SRGAP1: variants seen among roughly 807,000 people sequenced by gnomAD.
SRGAP1 encodes the protein SLIT-ROBO Rho GTPase activating protein 1, also known as SLIT-ROBO Rho GTPase-activating protein 1.
In SRGAP1, 43 loss-of-function variants were observed where a neutral mutation model predicts 121.9. The observed-to-expected ratio is 0.35, with a 90% CI of 0.28 to 0.46. SRGAP1 has a LOEUF of 0.46. SRGAP1 is among the 20% of genes least tolerant of loss of function. SRGAP1 has a pLI of 1.00. For missense variants in SRGAP1, 1,102 were observed against 1,350.9 expected, an observed-to-expected ratio of 0.82 and a Z score of 2.89; for synonymous variants, 447 against 485.4, an observed-to-expected ratio of 0.92 and a Z score of 1.04.
intron 1 of SRGAP1, among the ~76,000 whole-genome samples, chr12:63,886,746 C>T (rs1174842396): frequency 1.3e-5 from 2 of 152,166 alleles, no homozygotes; most frequent in Non-Finnish European, 2.9e-5. Context: ...GCTGGGATTA[C>T]AGGCGTGAGA....
At chr12:63,861,847 C>T (rs1265609619) in intron 1 of SRGAP1, among the ~76,000 whole-genome samples, 2 of 151,984 alleles carry the variant, frequency 1.3e-5, no homozygotes, top group South Asian at 2.1e-4. Flanking sequence ...ATTGGCCTGG[C>T]GCAGTGGCTC....
intron 1 of SRGAP1, among the ~76,000 whole-genome samples, chr12:63,933,644 A>G (rs892595625): frequency 5.3e-5 from 8 of 152,200 alleles, no homozygotes; most frequent in Admixed American, 5.2e-4. Flanking sequence ...TTTTGGGACT[A>G]TTTTAAAGGA....
intron 1 of SRGAP1, among the ~76,000 whole-genome samples, chr12:63,881,793 C>T (rs1300486986): frequency 1.3e-5 from 2 of 151,974 alleles, no homozygotes; most frequent in Non-Finnish European, 2.9e-5. Context: ...ATATTTTTGC[C>T]CTTCTTAACT....
chr12:64,123,701 GC>G (rs2136633000), intron 18 of SRGAP1, among the ~76,000 whole-genome samples: 1 of 150,596 alleles, frequency 6.6e-6, no homozygotes, highest in African/African-American at 2.4e-5. Context: ...TAGAACTGAG[GC>G]CTCACTGTGT....
chr12:64,054,676 CTG>C (rs2035305554), intron 6 of SRGAP1, among the ~76,000 whole-genome samples: 3 of 152,182 alleles, frequency 2.0e-5, no homozygotes, highest in African/African-American at 7.2e-5. Context: ...TATTTAAAAA[CTG>C]AAATGAGTTG....
chr12:63,844,969 CGTGGGAGGAAGGTG>C lies in SRGAP1; in HGVS notation c.67+90_67+103del. 7.4e-7 allele frequency: 1 copy of C among 1,359,520 alleles called. No homozygotes were observed. The highest frequency in any genetic ancestry group is 1.1e-6 in the Non-Finnish European group (1 of 949,836). 84.2% of individuals were successfully genotyped at this position (1,359,520 alleles called of 1,614,324 possible). A position where few individuals can be genotyped will look rare whatever the true frequency, so the allele number is the denominator to read the frequency against. ...AGTTGCGTATCTAACTTGGTGTCTG[CGTGGGAGGAAGGTG>C]GTGAGGGGACAGCTCGAGCCCTGTC... On this transcript the variant is annotated intron_variant, in intron 1 of 21. Transcript: ENST00000355086. The surrounding 1 kb of genome is among the most constrained non-coding windows in gnomAD (Gnocchi z 4.3).
chr12:63,925,560 A>C (rs1289490841), intron 1 of SRGAP1, among the ~76,000 whole-genome samples: 1 of 152,208 alleles, frequency 6.6e-6, no homozygotes, highest in Non-Finnish European at 1.5e-5. Flanking sequence ...AATTGAGGGA[A>C]GTGTTAACAT....
rs922451600 is a variant in SRGAP1, at chr12:64,160,598, A to G, written c.*17926A>G. 5 of 151,962 alleles carry G rather than the reference A, an allele frequency of 3.3e-5. No homozygotes were observed. Among genetic ancestry groups the G allele is most frequent in the African/African-American group, 1.2e-4 (5 of 41,356 alleles). The allele number at this position is 151,962 out of a possible 1,614,324, so 9.4% of individuals were successfully genotyped here. A position where few individuals can be genotyped will look rare whatever the true frequency, so the allele number is the denominator to read the frequency against. On this transcript the variant is annotated 3_prime_UTR_variant, in exon 22 of 22. Coordinates refer to ENST00000355086, the MANE Select transcript of SRGAP1 (RefSeq NM_020762.4). ...TAATCAGTACCACTGGCATATGGCTACTCTCCTATTTTCCTTACCCCTTTG... is the reference window on the plus strand; with the variant it reads ...TAATCAGTACCACTGGCATATGGCTGCTCTCCTATTTTCCTTACCCCTTTG...
chr12:64,013,386 C>T (rs987144039), intron 3 of SRGAP1, among the ~76,000 whole-genome samples: 1 of 152,188 alleles, frequency 6.6e-6, no homozygotes, highest in Non-Finnish European at 1.5e-5. Flanking sequence ...TCATGTTTCA[C>T]AAATTAGTCG....
At position 63,918,845 on chromosome 12, in the gene SRGAP1, C is replaced by CA. The variant is rs557943550; in HGVS notation, c.68-65099dup. On this transcript the variant is annotated intron_variant, in intron 1 of 21. Coordinates refer to ENST00000355086, the MANE Select transcript of SRGAP1 (RefSeq NM_020762.4). The stretch of plus-strand genomic sequence containing the variant: ...GAAATACTGTGGTGAACAAGAATGT[C>CA]AAAGACTCCACAGTTAGGGAGTTTG... 5.5e-3 allele frequency among the ~76,000 whole-genome samples: 840 copies of CA among 152,202 alleles called. 2 individuals carry two copies. The highest frequency in any genetic ancestry group is 0.02 in the Middle Eastern group (6 of 294).
At chr12:64,142,237 A>G (rs376540269) in intron 21 of SRGAP1, 58 bp from the exon 22 acceptor site, 12 of 1,558,632 alleles carry the variant, frequency 7.7e-6, no homozygotes, top group South Asian at 3.6e-5. Flanking sequence ...CTGGGTTTCT[A>G]TACATTAGTA....
intron 1 of SRGAP1, among the ~76,000 whole-genome samples, chr12:63,854,389 A>G (rs770809399): frequency 1.3e-5 from 2 of 152,196 alleles, no homozygotes; most frequent in East Asian, 3.8e-4. Context: ...TTTGGCATGT[A>G]TAACAAATCT....
Position 63,969,070 on chromosome 12 carries a change from C to T in SRGAP1, c.68-14877C>T, listed in dbSNP as rs918932619. Among the ~76,000 whole-genome samples the T allele has an allele frequency of 2.0e-5, 3 of 152,284 alleles. No homozygotes were observed. The East Asian group carries it at 5.8e-4, about 29-fold the overall frequency. On this transcript the variant is annotated intron_variant, in intron 1 of 21. Coordinates refer to ENST00000355086, the MANE Select transcript of SRGAP1 (RefSeq NM_020762.4). The stretch of plus-strand genomic sequence containing the variant: ...GCTTTTGGTCTTCTTGAATTTTACT[C>T]GTTTTCACAGAGAAGGAAGATGGTG...
chr12:64,041,875 A>ATATTATTATTATTATTATTATTAT (rs10689107), intron 4 of SRGAP1, among the ~76,000 whole-genome samples: 2 of 138,624 alleles, frequency 1.4e-5, no homozygotes, highest in East Asian at 2.1e-4. Context: ...ATTTTCTTTT[A>ATATTATTATTATTATTATTATTAT]TATTATTATT....
chr12:63,919,025 T>G (rs1189386080), intron 1 of SRGAP1, among the ~76,000 whole-genome samples: 2 of 152,028 alleles, frequency 1.3e-5, no homozygotes, highest in African/African-American at 2.4e-5. Flanking sequence ...TTGGTTTTTT[T>G]GGGGAGGGGT....
chr12:63,961,878 G>A (rs532966564), intron 1 of SRGAP1, among the ~76,000 whole-genome samples: 5 of 152,286 alleles, frequency 3.3e-5, no homozygotes, highest in African/African-American at 1.2e-4. Flanking sequence ...GAGGTCGGGG[G>A]CTGGTGGATA....
chr12:64,042,485 G>T (rs1437933294), intron 4 of SRGAP1, among the ~76,000 whole-genome samples: 1 of 152,048 alleles, frequency 6.6e-6, no homozygotes, highest in Admixed American at 6.6e-5. Flanking sequence ...AGATTTTACA[G>T]AAATACTTTT....
intron 4 of SRGAP1, among the ~76,000 whole-genome samples, chr12:64,023,399 G>A (rs1317268470): frequency 2.6e-5 from 4 of 152,170 alleles, no homozygotes; most frequent in East Asian, 1.9e-4. Flanking sequence ...CATATGAAAC[G>A]GGTTTAAAGT....
At chr12:63,904,620 A>T (rs1315773961) in intron 1 of SRGAP1, among the ~76,000 whole-genome samples, 2 of 152,202 alleles carry the variant, frequency 1.3e-5, no homozygotes, top group African/African-American at 4.8e-5. Flanking sequence ...ACATGTTCAA[A>T]ATCCACAAGA....
Sources: allele counts gnomAD v4.1 joint callset (sites outside exome capture counted in the v4.1 genomes callset), GRCh38; gene constraint gnomAD v4.1.1; non-coding constraint Gnocchi (gnomAD v3.1); transcripts MANE v1.5; gene names NCBI Gene and HGNC (gene_info 2026-07-23, HGNC 2026-07-21).